The following COA1 variants were observed in gnomAD, a reference collection of about 807,000 sequenced individuals.
COA1 encodes cytochrome c oxidase assembly factor 1, also known as cytochrome c oxidase assembly factor 1 homolog.
Under a neutral mutation model 16.0 loss-of-function variants are expected in COA1, and 13 were observed. That is an observed-to-expected ratio of 0.81 (90% CI 0.53 to 1.29). The LOEUF (loss-of-function observed/expected upper bound fraction) is 1.29, where lower values mean the gene tolerates loss of function less well. COA1 is among the 50% of genes most tolerant of loss of function. COA1 has a pLI of 0.00. For missense variants in COA1, 179 were observed against 177.0 expected (o/e 1.01, Z -0.06); for synonymous variants, 65 against 65.7 (o/e 0.99, Z 0.05).
chr7:43,622,336 CCTCTT>C (rs2083983582), intron 6 of COA1: 1 of 152,170 alleles, frequency 6.6e-6, no homozygotes, highest in Non-Finnish European at 1.5e-5. Flanking sequence ...TCCTTTCCAA[CCTCTT>C]CCTCCCACTC....
chr7:43,727,733 T>A (rs1278797860), intron 1 of COA1, among the ~76,000 whole-genome samples: 1 of 152,206 alleles, frequency 6.6e-6, no homozygotes, highest in Non-Finnish European at 1.5e-5. Context: ...GTGAGCCTGC[T>A]GAATAAGTAC....
At chr7:43,644,531 T>C (rs533331880) in intron 4 of COA1, among the ~76,000 whole-genome samples, 29 of 149,864 alleles carry the variant, frequency 1.9e-4, no homozygotes, top group Non-Finnish European at 4.0e-4. Context: ...GCATTTCTCT[T>C]TTTTTTTTAA....
chr7:43,623,718 A>T (rs1395796605), intron 6 of COA1: 1 of 1,606,218 alleles, frequency 6.2e-7, no homozygotes, highest in Non-Finnish European at 8.5e-7. Context: ...GGAGCATTGG[A>T]GTGTTAACAT....
intron 1 of COA1, chr7:43,649,072 G>T: frequency 6.3e-6 from 1 of 159,798 alleles, no homozygotes; most frequent in Admixed American, 6.1e-5. Flanking sequence ...CAATAGTACA[G>T]TAAACTTATA....
intron 4 of COA1, among the ~76,000 whole-genome samples, chr7:43,644,057 G>A (rs1333105995): frequency 1.3e-5 from 2 of 152,032 alleles, no homozygotes; most frequent in East Asian, 1.9e-4. Context: ...CACCCACCTC[G>A]CCCACCTGTG....
intron 6 of COA1, among the ~76,000 whole-genome samples, chr7:43,611,601 T>G (rs919974474): frequency 6.6e-6 from 1 of 152,186 alleles, no homozygotes; most frequent in African/African-American, 2.4e-5. Flanking sequence ...GCAAGAAATT[T>G]CCACCTTGCT....
At chr7:43,721,613 T>C (rs902736610) in intron 1 of COA1, among the ~76,000 whole-genome samples, 2 of 152,182 alleles carry the variant, frequency 1.3e-5, no homozygotes, top group Non-Finnish European at 2.9e-5. Flanking sequence ...GCATTTACTT[T>C]TTGGTTTTGG....
chr7:43,633,555 C>T (rs1409479768), intron 6 of COA1: 1 of 150,822 alleles, frequency 6.6e-6, no homozygotes, highest in Non-Finnish European at 1.5e-5. Flanking sequence ...TCACTGATCA[C>T]AGCTCTCCAT....
intron 1 of COA1, 97 bp from the exon 2 acceptor site, chr7:43,648,749 G>T: frequency 1.2e-6 from 1 of 821,494 alleles, no homozygotes. Flanking sequence ...CCAAGCTTTA[G>T]AACACGAACA....
intron 1 of COA1, among the ~76,000 whole-genome samples, chr7:43,728,055 AGCTCC>A (rs2095654578): frequency 1.3e-5 from 2 of 151,560 alleles, no homozygotes; most frequent in African/African-American, 4.9e-5. Context: ...GCTCACTGCA[AGCTCC>A]ACCTCCCGGG....
intron 1 of COA1, among the ~76,000 whole-genome samples, chr7:43,661,507 C>T (rs1042891238): frequency 5.3e-5 from 8 of 152,184 alleles, no homozygotes; most frequent in Non-Finnish European, 1.0e-4. Context: ...TGGTGGCGGG[C>T]GCCTGTAGTC....
At chr7:43,680,076 T>C (rs949054300) in intron 1 of COA1, among the ~76,000 whole-genome samples, 7 of 152,272 alleles carry the variant, frequency 4.6e-5, no homozygotes, top group African/African-American at 1.2e-4. Context: ...TGGAAGTAGT[T>C]TGAATAAGCT....
intron 1 of COA1, among the ~76,000 whole-genome samples, chr7:43,726,847 G>T (rs1396855021): frequency 6.6e-6 from 1 of 152,136 alleles, no homozygotes; most frequent in Non-Finnish European, 1.5e-5. Context: ...TTACAAAAAA[G>T]AACCTAATTT....
chr7:43,650,826 A>AC, intron 1 of COA1: 1 of 152,228 alleles, frequency 6.6e-6, no homozygotes, highest in South Asian at 2.1e-4. Context: ...CAAAAAAAAA[A>AC]AAAAACAGAA....
chr7:43,674,535 C>A (rs559404628), intron 1 of COA1, among the ~76,000 whole-genome samples: 1 of 152,280 alleles, frequency 6.6e-6, no homozygotes, highest in South Asian at 2.1e-4. Flanking sequence ...AGAAATCACC[C>A]TAAACATATA....
chr7:43,691,614 A>G (rs1444977911), intron 1 of COA1, among the ~76,000 whole-genome samples: 1 of 152,188 alleles, frequency 6.6e-6, no homozygotes, highest in Non-Finnish European at 1.5e-5. Flanking sequence ...TAAGCCTCCC[A>G]GTCACATAAA....
At chr7:43,709,272 T>C (rs1370899574) in intron 1 of COA1, among the ~76,000 whole-genome samples, 1 of 152,112 alleles carries the variant, frequency 6.6e-6, no homozygotes, top group Non-Finnish European at 1.5e-5. Context: ...GTTATCCACC[T>C]GCCTCGGCCT....
At chr7:43,630,627 T>C (rs1184908690) in intron 6 of COA1, among the ~76,000 whole-genome samples, 1 of 152,216 alleles carries the variant, frequency 6.6e-6, no homozygotes, top group Non-Finnish European at 1.5e-5. Flanking sequence ...TAAAGCAGCA[T>C]ATTCAATACT....
At chr7:43,679,489 C>T (rs369481960) in intron 1 of COA1, among the ~76,000 whole-genome samples, 85 of 152,208 alleles carry the variant, frequency 5.6e-4, no homozygotes, top group African/African-American at 2.0e-3. Context: ...GCCATCTAAT[C>T]TGAGATTCTC....
Sources: allele counts gnomAD v4.1 joint callset (sites outside exome capture counted in the v4.1 genomes callset), GRCh38; gene constraint gnomAD v4.1.1; transcripts MANE v1.5; gene names NCBI Gene and HGNC (gene_info 2026-07-23, HGNC 2026-07-21).